DNAH6: variants seen among roughly 807,000 people sequenced by gnomAD.
The protein encoded by DNAH6 is dynein axonemal heavy chain 6.
Under a neutral mutation model 491.4 loss-of-function variants are expected in DNAH6, and 340 were observed. The observed-to-expected ratio is 0.69, with a 90% confidence interval of 0.63 to 0.76. The LOEUF (loss-of-function observed/expected upper bound fraction) is 0.76, where lower values mean the gene tolerates loss of function less well. Among genes scored for constraint, DNAH6 ranks in the 30% least tolerant of loss-of-function variants. DNAH6 has a pLI of 0.00. For synonymous variants in DNAH6, 1,603 were observed against 1,686.1 expected, an observed-to-expected ratio of 0.95 and a Z score of 1.21; for missense variants, 4,443 against 4,972.2, an observed-to-expected ratio of 0.89 and a Z score of 3.20.
intron 53 of DNAH6, 114 bp from the exon 54 acceptor site, chr2:84,707,406 G>A (rs1410023941): frequency 1.0e-6 from 1 of 986,610 alleles, no homozygotes; most frequent in Non-Finnish European, 1.5e-6. Flanking sequence ...GAGATGTATT[G>A]ACATCATTAG....
intron 40 of DNAH6, among the ~76,000 whole-genome samples, chr2:84,673,359 G>C (rs953707886): frequency 6.6e-6 from 1 of 152,134 alleles, no homozygotes; most frequent in African/African-American, 2.4e-5. Flanking sequence ...GCAGGGGAGG[G>C]ATGAGCTAAC....
At chr2:84,739,320 T>A (rs924518117) in intron 62 of DNAH6, among the ~76,000 whole-genome samples, 4 of 152,180 alleles carry the variant, frequency 2.6e-5, no homozygotes, top group Admixed American at 2.0e-4. Flanking sequence ...TCCCCAAGTG[T>A]GTCTTGGGAA....
rs1304570905 is a variant in DNAH6 at position 84,611,699 on chromosome 2, A to G, written c.3320A>G (p.Asn1107Ser). The G allele has an allele frequency of 6.4e-7, 1 of 1,550,810 alleles. No homozygotes were observed. Among genetic ancestry groups the G allele is most frequent in the Non-Finnish European group, 8.7e-7 (1 of 1,146,476 alleles). Residue 1107 changes from asparagine (N) to serine (S), a missense_variant, in exon 22 of 77, where the codon AAC becomes AGC. Asn to Ser is a conservative substitution (Grantham distance 46). Transcript: ENST00000389394. The part of the protein sequence containing the change: ...TLEEWLTCQR[N>S]WLYLESIFNA... ...GAAGAGTGGCTGACCTGCCAGAGAAACTGGCTCTACCTAGAAAGTATTTTC... is the reference window on the plus strand; with the variant it reads ...GAAGAGTGGCTGACCTGCCAGAGAAGCTGGCTCTACCTAGAAAGTATTTTC...
intron 56 of DNAH6, among the ~76,000 whole-genome samples, chr2:84,712,657 T>C (rs1249449577): frequency 6.6e-6 from 1 of 152,218 alleles, no homozygotes; most frequent in Non-Finnish European, 1.5e-5. Flanking sequence ...GTAAAAGCCA[T>C]TCGTAGTTCA....
chr2:84,511,106 G>C, the DNAH6 span, among the ~76,000 whole-genome samples: 6 of 152,198 alleles, frequency 3.9e-5, no homozygotes, highest in Non-Finnish European at 7.3e-5. Context: ...AAAGCTGTCA[G>C]ACAGGGACAT....
intron 45 of DNAH6, among the ~76,000 whole-genome samples, chr2:84,691,940 A>C (rs572468463): frequency 6.6e-6 from 1 of 152,358 alleles, no homozygotes; most frequent in East Asian, 1.9e-4. Context: ...GATGTGGAAA[A>C]AGTGGACCTG....
At chr2:84,638,175 AT>A (rs34689699) in intron 31 of DNAH6, among the ~76,000 whole-genome samples, 3 of 152,152 alleles carry the variant, frequency 2.0e-5, no homozygotes, top group Non-Finnish European at 4.4e-5. Flanking sequence ...ATATATTCAC[AT>A]TTTGTACTTT....
chr2:84,801,902 A>AAAAG (rs201757444), intron 70 of DNAH6, among the ~76,000 whole-genome samples: 1 of 151,828 alleles, frequency 6.6e-6, no homozygotes, highest in Non-Finnish European at 1.5e-5. Context: ...AGAAAAGAAA[A>AAAAG]AAAGAAAGAA....
At chr2:84,749,328 T>G (rs1411048504) in intron 63 of DNAH6, among the ~76,000 whole-genome samples, 1 of 152,174 alleles carries the variant, frequency 6.6e-6, no homozygotes, top group Non-Finnish European at 1.5e-5. Context: ...AAAGGGCTTA[T>G]AGACTGGGAG....
In DNAH6 at chr2:84,813,968, C is replaced by T. The variant is rs1409428022; in HGVS notation, c.11999-3C>T. The T allele has an allele frequency of 3.9e-6, 6 of 1,551,624 alleles. No homozygotes were observed. In the South Asian group the frequency reaches 5.9e-5, roughly 15 times the overall value. On this transcript the variant is annotated splice_region_variant and splice_polypyrimidine_tract_variant and intron_variant, in intron 74 of 76. Transcript: ENST00000389394. ...CGCAGCTTTCCGATTTTCACAATTACAGGAACTCTTCAAAATCATGCTCGA... is the reference window on the plus strand; with the variant it reads ...CGCAGCTTTCCGATTTTCACAATTATAGGAACTCTTCAAAATCATGCTCGA...
chr2:84,517,531 T>G (rs2104395477), intron 1 of DNAH6, among the ~76,000 whole-genome samples: 1 of 152,290 alleles, frequency 6.6e-6, no homozygotes, highest in East Asian at 1.9e-4. Context: ...CAGTGTGGTC[T>G]CCAGATGAGC....
rs1224193014 is a variant in DNAH6 at position 84,628,369 on chromosome 2, C to T, written c.4515+3306C>T. Among the ~76,000 whole-genome samples the T allele has an allele frequency of 2.6e-5, 4 of 152,154 alleles. No individual in the cohort carries two copies. The South Asian group carries it at 8.3e-4, about 32-fold the overall frequency. ...CTGACCAGTCCCCTTTTCCTGTTTT[C>T]TCTACCTGCTTTTTCCGGTTCCTGA... is the stretch of plus-strand genomic sequence containing the variant. On this transcript the variant is annotated intron_variant, in intron 29 of 76. Transcript: ENST00000389394.
the DNAH6 span, among the ~76,000 whole-genome samples, chr2:84,491,458 C>T: frequency 6.6e-6 from 1 of 152,154 alleles, no homozygotes; most frequent in Admixed American, 6.5e-5. Flanking sequence ...TGTTCTCTAC[C>T]TTCTCAGCAT....
At chr2:84,659,479 T>C (rs571684425) in intron 37 of DNAH6, among the ~76,000 whole-genome samples, 12 of 152,214 alleles carry the variant, frequency 7.9e-5, no homozygotes, top group African/African-American at 1.2e-4. Context: ...TGGTTAGCTA[T>C]CCTGAATTGC....
chr2:84,471,626 G>T, the DNAH6 span, among the ~76,000 whole-genome samples: 1 of 152,142 alleles, frequency 6.6e-6, no homozygotes, highest in Non-Finnish European at 1.5e-5. Flanking sequence ...TCATACAGGG[G>T]TAACCCCATC....
At chr2:84,550,806 G>T (rs988810604) in intron 9 of DNAH6, among the ~76,000 whole-genome samples, 1 of 152,174 alleles carries the variant, frequency 6.6e-6, no homozygotes, top group Non-Finnish European at 1.5e-5. Context: ...GCAGAGAGAA[G>T]CAGGAAAAGT....
At position 84,762,971 on chromosome 2, in the gene DNAH6, T is replaced by C. The variant is rs766888877; in HGVS notation, c.10703+26T>C. On this transcript the variant is annotated intron_variant, in intron 64 of 76. Coordinates refer to ENST00000389394, the MANE Select transcript of DNAH6 (RefSeq NM_001370.2). Reference sequence around the variant, plus strand: ...GTAAGTTCATGTTGTGCAGTTTTAATAATGCAAATGCATATGAACATCTCT... The same window carrying C: ...GTAAGTTCATGTTGTGCAGTTTTAACAATGCAAATGCATATGAACATCTCT... The C allele has an allele frequency of 2.6e-6, 4 of 1,516,410 alleles. No homozygotes were observed. In the South Asian group the frequency reaches 4.8e-5, roughly 18 times the overall value. The allele number at this position is 1,516,410 out of a possible 1,614,324, so 93.9% of individuals were successfully genotyped here.
intron 18 of DNAH6, among the ~76,000 whole-genome samples, chr2:84,600,836 G>A (rs527721137): frequency 2.6e-5 from 4 of 151,766 alleles, no homozygotes; most frequent in African/African-American, 9.7e-5. Flanking sequence ...ACTACGCACA[G>A]CCATACTTAA....
chr2:84,617,244 T>G (rs1031444107), intron 23 of DNAH6, among the ~76,000 whole-genome samples: 5 of 152,072 alleles, frequency 3.3e-5, no homozygotes, highest in Non-Finnish European at 1.5e-5. Flanking sequence ...ATTGTAGGTG[T>G]GTTATGGGGT....
Sources: gnomAD v4.1 joint callset for allele counts (sites outside exome capture counted in the v4.1 genomes callset) on GRCh38, gnomAD v4.1.1 for gene constraint, MANE v1.5 for transcripts, NCBI Gene and HGNC (gene_info 2026-07-23, HGNC 2026-07-21) for gene names.